The following LUZP2 variants were observed in gnomAD, a reference collection of about 807,000 sequenced individuals.
LUZP2 encodes leucine zipper protein 2.
A neutral mutation model predicts 51.6 loss-of-function variants in LUZP2; 52 were observed. That is an observed-to-expected ratio of 1.01 (90% CI 0.81 to 1.27). LUZP2 has a LOEUF of 1.27. LUZP2 is among the 50% of genes most tolerant of loss of function. The pLI is 0.00. For missense variants in LUZP2, 436 were observed against 395.4 expected, an observed-to-expected ratio of 1.10 and a Z score of -0.87; for synonymous variants, 154 against 137.3, an observed-to-expected ratio of 1.12 and a Z score of -0.85.
intron 10 of LUZP2, among the ~76,000 whole-genome samples, chr11:25,057,585 T>C (rs1858725109): frequency 6.6e-6 from 1 of 152,186 alleles, no homozygotes; most frequent in Admixed American, 6.5e-5. Flanking sequence ...ATATCAAGAA[T>C]TAAAGACATT....
At chr11:25,024,372 T>C (rs1160562648) in intron 9 of LUZP2, among the ~76,000 whole-genome samples, 1 of 152,126 alleles carries the variant, frequency 6.6e-6, no homozygotes, top group Non-Finnish European at 1.5e-5. Flanking sequence ...TGTTTGCAGA[T>C]GACATGATTG....
rs534615736 is a variant in LUZP2 at position 24,724,187 on chromosome 11, T to C, written c.63-4982T>C. ...ATGAATGCTGTATCTTAATACAGTT[T>C]ATATTTGAAAACAATGGACTAAGAA... On this transcript the variant is annotated intron_variant, in intron 1 of 11. Transcript: ENST00000336930. Among the ~76,000 whole-genome samples the C allele has an allele frequency of 5.4e-4, 82 of 152,324 alleles. 2 individuals carry two copies. The Middle Eastern group carries it at 0.014, about 25-fold the overall frequency.
intron 1 of LUZP2, among the ~76,000 whole-genome samples, chr11:24,583,846 G>C (rs1180455226): frequency 6.6e-6 from 1 of 150,574 alleles, no homozygotes; most frequent in Non-Finnish European, 1.5e-5. Context: ...TGGGACTACA[G>C]GAGCCCGCCA....
At chr11:24,560,971 G>A (rs1356045866) in intron 1 of LUZP2, among the ~76,000 whole-genome samples, 1 of 152,102 alleles carries the variant, frequency 6.6e-6, no homozygotes, top group Admixed American at 6.6e-5. Context: ...GTAGACTTGG[G>A]ATATGAGCTT....
intron 5 of LUZP2, among the ~76,000 whole-genome samples, chr11:24,776,932 G>T (rs1848942791): frequency 6.6e-6 from 1 of 151,282 alleles, no homozygotes; most frequent in Admixed American, 6.6e-5. Flanking sequence ...AACTGATGGT[G>T]CCTATACAGC....
intron 9 of LUZP2, among the ~76,000 whole-genome samples, chr11:24,997,798 A>C (rs1031293299): frequency 6.6e-6 from 1 of 152,124 alleles, no homozygotes; most frequent in African/African-American, 2.4e-5. Flanking sequence ...ATTTTTGTAT[A>C]AGGTGTAAGG....
chr11:24,657,534 C>G (rs1387415264), intron 1 of LUZP2, among the ~76,000 whole-genome samples: 1 of 152,176 alleles, frequency 6.6e-6, no homozygotes, highest in Non-Finnish European at 1.5e-5. Context: ...GGGATGCCCT[C>G]TCTCACCACT....
chr11:24,869,507 A>G (rs1851994181), intron 5 of LUZP2, among the ~76,000 whole-genome samples: 1 of 151,886 alleles, frequency 6.6e-6, no homozygotes, highest in African/African-American at 2.4e-5. Context: ...CCGAGGCTGG[A>G]GTGGAGTGGC....
chr11:24,773,054 T>C (rs1848798187), intron 5 of LUZP2, among the ~76,000 whole-genome samples: 1 of 148,846 alleles, frequency 6.7e-6, no homozygotes, highest in Admixed American at 6.9e-5. Context: ...ATCTGTGGCA[T>C]TTTGTATATT....
chr11:24,941,573 G>A (rs968018363), intron 7 of LUZP2, among the ~76,000 whole-genome samples: 2 of 152,178 alleles, frequency 1.3e-5, no homozygotes, highest in Admixed American at 6.5e-5. Flanking sequence ...TTTCTGCAGG[G>A]CATTTATAGT....
intron 1 of LUZP2, among the ~76,000 whole-genome samples, chr11:24,612,373 A>T (rs7927849): frequency 0.022 from 3,388 of 152,212 alleles, 137 homozygotes; most frequent in African/African-American, 0.078. Flanking sequence ...GAGTTGACTA[A>T]AGATTTCTTT....
At chr11:24,617,193 C>T (rs1184301241) in intron 1 of LUZP2, among the ~76,000 whole-genome samples, 4 of 150,514 alleles carry the variant, frequency 2.7e-5, no homozygotes. Flanking sequence ...TGGATAATTT[C>T]TATCAATCTT....
chr11:24,979,239 T>C (rs1855959002), intron 8 of LUZP2, among the ~76,000 whole-genome samples: 1 of 151,812 alleles, frequency 6.6e-6, no homozygotes, highest in Admixed American at 6.6e-5. Flanking sequence ...CAATTCCCTC[T>C]TTAACCTTCA....
intron 5 of LUZP2, among the ~76,000 whole-genome samples, chr11:24,844,096 T>C (rs1189508317): frequency 6.6e-6 from 1 of 152,144 alleles, no homozygotes; most frequent in Non-Finnish European, 1.5e-5. Flanking sequence ...AGGCAAAGGT[T>C]GGAACAGTTT....
chr11:24,991,304 C>A (rs192863767), intron 9 of LUZP2, among the ~76,000 whole-genome samples: 62 of 148,952 alleles, frequency 4.2e-4, no homozygotes, highest in Middle Eastern at 3.5e-3. Context: ...TTAATTTATT[C>A]CTTGTTATGG....
At chr11:24,803,117 T>G (rs2134119838) in intron 5 of LUZP2, among the ~76,000 whole-genome samples, 1 of 152,016 alleles carries the variant, frequency 6.6e-6, no homozygotes, top group South Asian at 2.1e-4. Context: ...TATTTGCAAA[T>G]TATGTTTGAC....
rs193205419 is a variant in LUZP2, at chr11:24,603,404, C to T, written c.62+106099C>T. On this transcript the variant is annotated intron_variant, in intron 1 of 11. Coordinates refer to ENST00000336930, the MANE Select transcript of LUZP2 (RefSeq NM_001009909.4). Reference sequence around the variant, plus strand: ...CAGGTCAAAGGAATCTTTATGTAAGCCTTCCAGATGTTAATGTTCTTTTGA... The same window carrying T: ...CAGGTCAAAGGAATCTTTATGTAAGTCTTCCAGATGTTAATGTTCTTTTGA... 1.4e-4 allele frequency among the ~76,000 whole-genome samples: 21 copies of T among 151,898 alleles called. No homozygotes were observed. The East Asian group carries it at 3.7e-3, about 27-fold the overall frequency.
chr11:25,074,225 A>G (rs944355056), intron 10 of LUZP2, among the ~76,000 whole-genome samples: 1 of 152,138 alleles, frequency 6.6e-6, no homozygotes, highest in Non-Finnish European at 1.5e-5. Context: ...ATTGAGCTCT[A>G]TTTCAGCAAA....
At chr11:24,499,302 G>A (rs1204727435) in intron 1 of LUZP2, among the ~76,000 whole-genome samples, 1 of 152,196 alleles carries the variant, frequency 6.6e-6, no homozygotes, top group Non-Finnish European at 1.5e-5. Flanking sequence ...AATACCCTGT[G>A]ATATTGAACA....
Sources: allele counts gnomAD v4.1 joint callset (sites outside exome capture counted in the v4.1 genomes callset), GRCh38; gene constraint gnomAD v4.1.1; transcripts MANE v1.5; gene names NCBI Gene and HGNC (gene_info 2026-07-23, HGNC 2026-07-21).